ERCC3: variants seen among roughly 807,000 people sequenced by gnomAD.
ERCC3 encodes the protein general transcription and DNA repair factor IIH helicase/translocase subunit XPB.
In ERCC3, 66 loss-of-function variants were observed where a neutral mutation model predicts 94.2. That is an observed-to-expected ratio of 0.70 (90% CI 0.57 to 0.86). The LOEUF is 0.86. ERCC3 is among the 40% of genes least tolerant of loss of function. The probability of loss-of-function intolerance (pLI) is 0.00; values close to 1 mark genes in which losing one functional copy is unlikely to be tolerated. For synonymous variants in ERCC3, 349 were observed against 369.1 expected (o/e 0.95, Z 0.63); for missense variants, 829 against 987.1 (o/e 0.84, Z 2.15).
At chr2:127,286,563 C>T in intron 8 of ERCC3, 140 bp downstream of exon 8, 2 of 735,020 alleles carry the variant, frequency 2.7e-6, no homozygotes, top group Admixed American at 4.7e-5. Context: ...AAAAAAAGAA[C>T]TATTAAAAGC....
chr2:127,281,248 A>G (rs1189705548), intron 8 of ERCC3, among the ~76,000 whole-genome samples: 2 of 152,128 alleles, frequency 1.3e-5, no homozygotes, highest in Non-Finnish European at 2.9e-5. Context: ...GCTTCCCATC[A>G]TTTTCCCAGA....
chr2:127,267,224 TG>T (rs1466316061), intron 12 of ERCC3, among the ~76,000 whole-genome samples: 1 of 152,218 alleles, frequency 6.6e-6, no homozygotes, highest in Non-Finnish European at 1.5e-5. Context: ...GTTGTGTGGC[TG>T]TCTAAGCCTT....
At chr2:127,265,323 T>C (rs1160139462) in intron 12 of ERCC3, among the ~76,000 whole-genome samples, 1 of 152,224 alleles carries the variant, frequency 6.6e-6, no homozygotes, top group East Asian at 1.9e-4. Context: ...ATCTTTTGTA[T>C]TTCTGGGGAT....
chr2:127,261,994 G>T (rs368909688), intron 12 of ERCC3: 1 of 152,980 alleles, frequency 6.5e-6, no homozygotes, highest in East Asian at 1.9e-4. Context: ...AAATCCAAGA[G>T]AAATGAAACT....
chr2:127,286,540 CCT>C (rs1431743426), intron 8 of ERCC3, among the ~76,000 whole-genome samples, 161 bp downstream of exon 8: 1 of 150,620 alleles, frequency 6.6e-6, no homozygotes, highest in East Asian at 1.9e-4. Flanking sequence ...AGTGAGACTC[CCT>C]CTCAAAAAAA....
rs114160030 is a variant in ERCC3 at position 127,267,323 on chromosome 2, G to A, written c.1945+4013C>T. Among the ~76,000 whole-genome samples the A allele has an allele frequency of 8.4e-3, 1,279 of 152,178 alleles. 21 individuals are homozygous for A. The highest frequency in any genetic ancestry group is 0.029 in the African/African-American group (1,219 of 41,492). ...TTTAGGATAGTTAAGTCTTCTTGTT[G>A]AATTGAACCATTTATCATCGTGTAA... On this transcript the variant is annotated intron_variant, in intron 12 of 14. Coordinates refer to ENST00000285398, the MANE Select transcript of ERCC3 (RefSeq NM_000122.2).
chr2:127,257,804 C>A lies in ERCC3; in HGVS notation c.2218-77G>T, dbSNP rs1348610113. On this transcript the variant is annotated intron_variant, in intron 14 of 14. Coordinates refer to ENST00000285398, the MANE Select transcript of ERCC3 (RefSeq NM_000122.2). The surrounding 1 kb of genome is among the most constrained non-coding windows in gnomAD (Gnocchi z 5.4). ...CCTTTTATAATACTTATAATCACAGCAAATTTTATAAGACTTACATAAATT... is the reference window on the plus strand; with the variant it reads ...CCTTTTATAATACTTATAATCACAGAAAATTTTATAAGACTTACATAAATT... The A allele has an allele frequency of 3.3e-6, 5 of 1,496,806 alleles. No homozygotes were observed. The highest frequency in any genetic ancestry group is 2.8e-5 in the African/African-American group (2 of 71,850). 92.7% of individuals were successfully genotyped at this position (1,496,806 alleles called of 1,614,324 possible). A position where few individuals can be genotyped will look rare whatever the true frequency, so the allele number is the denominator to read the frequency against.
In ERCC3 at chr2:127,259,782, T is replaced by C; in HGVS notation, c.2065-334A>G. 3 of 377,728 alleles carry C rather than the reference T, an allele frequency of 7.9e-6. No homozygotes were observed. The highest frequency in any genetic ancestry group is 4.4e-5 in the South Asian group (2 of 45,870). The allele number at this position is 377,728 out of a possible 1,614,324, so 23.4% of individuals were successfully genotyped here. Reference sequence around the variant, plus strand: ...GCTCCTTCGGGTAGCCTTCACATCTTGGAGCAGACAAAGGAAGGGACAAGT... The same window carrying C: ...GCTCCTTCGGGTAGCCTTCACATCTCGGAGCAGACAAAGGAAGGGACAAGT... On this transcript the variant is annotated intron_variant, in intron 13 of 14. Coordinates refer to ENST00000285398, the MANE Select transcript of ERCC3 (RefSeq NM_000122.2). The surrounding 1 kb of genome is among the most constrained non-coding windows in gnomAD (Gnocchi z 4.9).
Position 127,258,169 on chromosome 2 carries a change from C to T in ERCC3, c.2218-442G>A, listed in dbSNP as rs1166199628. Among the ~76,000 whole-genome samples, 1 of 152,074 alleles carries T rather than the reference C, an allele frequency of 6.6e-6. No individual in the cohort carries two copies. The highest frequency in any genetic ancestry group is 1.5e-5 in the Non-Finnish European group (1 of 68,004). Reference sequence around the variant, plus strand: ...GCTGGTCTCAAACTCCTGGACTCAACTGATCCTCCCGCCTAGGCCTCCCAA... The same window carrying T: ...GCTGGTCTCAAACTCCTGGACTCAATTGATCCTCCCGCCTAGGCCTCCCAA... On this transcript the variant is annotated intron_variant, in intron 14 of 14. Transcript: ENST00000285398. This position sits in a 1 kb window ranked among gnomAD's most constrained non-coding sequence, Gnocchi z 4.1.
At chr2:127,270,003 A>G (rs1315324238) in intron 12 of ERCC3, among the ~76,000 whole-genome samples, 1 of 149,526 alleles carries the variant, frequency 6.7e-6, no homozygotes, top group African/African-American at 2.4e-5. Context: ...CCTGGGTGAC[A>G]GAATAAGACT....
At chr2:127,283,144 G>C (rs1239063350) in intron 8 of ERCC3, among the ~76,000 whole-genome samples, 4 of 119,266 alleles carry the variant, frequency 3.4e-5, no homozygotes, top group South Asian at 3.4e-4. Context: ...GGCGGGGGGT[G>C]GGGGGGGCAC....
At chr2:127,282,787 G>A (rs1202103957) in intron 8 of ERCC3, among the ~76,000 whole-genome samples, 1 of 152,208 alleles carries the variant, frequency 6.6e-6, no homozygotes, top group Non-Finnish European at 1.5e-5. Context: ...CTCATCCAGT[G>A]AACTAGACGA....
rs1684568163 is a variant in ERCC3, at chr2:127,271,993, A to G, written c.1828-540T>C. On this transcript the variant is annotated intron_variant, in intron 11 of 14. Coordinates refer to ENST00000285398, the MANE Select transcript of ERCC3 (RefSeq NM_000122.2). The surrounding 1 kb of genome is among the most constrained non-coding windows in gnomAD (Gnocchi z 5.0). ...CTTATAAGCGCCCAGCCACAATCAC[A>G]TAAAATCTCATTTCTTTTTTTTTTT... Among the ~76,000 whole-genome samples the G allele has an allele frequency of 6.7e-6, 1 of 148,912 alleles. No individual in the cohort carries two copies. Among genetic ancestry groups the G allele is most frequent in the Non-Finnish European group, 1.5e-5 (1 of 67,608 alleles).
chr2:127,277,957 G>A lies in ERCC3; in HGVS notation c.1730+1216C>T, dbSNP rs1684783133. 6.6e-6 allele frequency among the ~76,000 whole-genome samples: 1 copy of A among 152,112 alleles called. No individual in the cohort carries two copies. Among genetic ancestry groups the A allele is most frequent in the East Asian group, 1.9e-4 (1 of 5,182 alleles). ...GCTATTGCTTAGAAAGATGAAGGCT[G>A]GCCAGGTGTGGTGGCTCATGACTCT... On this transcript the variant is annotated intron_variant, in intron 10 of 14. Transcript: ENST00000285398. The surrounding 1 kb of genome is among the most constrained non-coding windows in gnomAD (Gnocchi z 5.1).
In ERCC3 at chr2:127,264,847, A is replaced by AT. The variant is rs566656100; in HGVS notation, c.1946-3502dup. On this transcript the variant is annotated intron_variant, in intron 12 of 14. Coordinates refer to ENST00000285398, the MANE Select transcript of ERCC3 (RefSeq NM_000122.2). This position sits in a 1 kb window ranked among gnomAD's most constrained non-coding sequence, Gnocchi z 4.4. ...GGTCCAGGACTTTTTTAGTTGGTAG[A>AT]TTTTTTTTTTTTTTTTTGGAGGCGG... 0.03 allele frequency among the ~76,000 whole-genome samples: 4,225 copies of AT among 138,632 alleles called. 182 individuals are homozygous for AT. Among genetic ancestry groups the AT allele is most frequent in the African/African-American group, 0.092 (3,481 of 37,734 alleles). The allele number at this position is 138,632 out of a possible 152,430, so 90.9% of individuals were successfully genotyped here.
rs1188556118 is a variant in ERCC3, at chr2:127,258,679, C to A, written c.2217+617G>T. On this transcript the variant is annotated intron_variant, in intron 14 of 14. Coordinates refer to ENST00000285398, the MANE Select transcript of ERCC3 (RefSeq NM_000122.2). The surrounding 1 kb of genome is among the most constrained non-coding windows in gnomAD (Gnocchi z 4.1). ...AAACGCACCTGACTGAAGTGCACTT[C>A]TCCCCTTGGACAGGCCTGCTAATTC... Among the ~76,000 whole-genome samples the A allele has an allele frequency of 6.6e-6, 1 of 152,218 alleles. No individual in the cohort carries two copies. Among genetic ancestry groups the A allele is most frequent in the East Asian group, 1.9e-4 (1 of 5,188 alleles).
Position 127,274,324 on chromosome 2 carries a change from A to T in ERCC3, c.1731-1363T>A, listed in dbSNP as rs563463636. Among the ~76,000 whole-genome samples, 1 of 152,128 alleles carries T rather than the reference A, an allele frequency of 6.6e-6. No individual in the cohort carries two copies. Among genetic ancestry groups the T allele is most frequent in the East Asian group, 1.9e-4 (1 of 5,164 alleles). On this transcript the variant is annotated intron_variant, in intron 10 of 14. Transcript: ENST00000285398. The surrounding 1 kb of genome is among the most constrained non-coding windows in gnomAD (Gnocchi z 4.0). ...AGTGAGACTCCGTCTCAGAAAAAAA[A>T]AAAAAAGAAAAAGAAAAGAAAAAAA...
Position 127,280,906 on chromosome 2 carries a change from T to C in ERCC3, c.1343-275A>G, listed in dbSNP as rs1684888607. 9.8e-6 allele frequency: 5 copies of C among 511,386 alleles called. No individual in the cohort carries two copies. The highest frequency in any genetic ancestry group is 1.4e-5 in the Non-Finnish European group (4 of 292,024). 31.7% of individuals were successfully genotyped at this position (511,386 alleles called of 1,614,324 possible). A position where few individuals can be genotyped will look rare whatever the true frequency, so the allele number is the denominator to read the frequency against. ...ACACCACCTGAACTAACCCTTGGGTTTCAGGACCACAGAAGCTGGCTCTAG... is the reference window on the plus strand; with the variant it reads ...ACACCACCTGAACTAACCCTTGGGTCTCAGGACCACAGAAGCTGGCTCTAG... On this transcript the variant is annotated intron_variant, in intron 8 of 14. Transcript: ENST00000285398. This position sits in a 1 kb window ranked among gnomAD's most constrained non-coding sequence, Gnocchi z 6.3.
At chr2:127,289,237 C>G in intron 6 of ERCC3, 100 bp downstream of exon 6, 1 of 1,059,826 alleles carries the variant, frequency 9.4e-7, no homozygotes, top group Admixed American at 1.7e-5. Flanking sequence ...AACAGGGACT[C>G]CTTCCTTTCA....
Sources: gnomAD v4.1 joint callset for allele counts (sites outside exome capture counted in the v4.1 genomes callset) on GRCh38, gnomAD v4.1.1 for gene constraint, Gnocchi (gnomAD v3.1) non-coding constraint, MANE v1.5 for transcripts, NCBI Gene and HGNC (gene_info 2026-07-23, HGNC 2026-07-21) for gene names.